Variants in CLSPN observed in about 807,000 individuals in gnomAD.
The protein encoded by CLSPN is claspin homolog.
In CLSPN, 85 loss-of-function variants were observed where a neutral mutation model predicts 156.3. The ratio of observed to expected loss-of-function variants is 0.54; its 90% CI spans 0.46 to 0.65. CLSPN has a LOEUF of 0.65. Among genes scored for constraint, CLSPN ranks in the 30% least tolerant of loss-of-function variants. CLSPN has a pLI of 0.00. For synonymous variants in CLSPN, 534 were observed against 542.4 expected (o/e 0.98, Z 0.22); for missense variants, 1,407 against 1,554.9 (o/e 0.90, Z 1.60).
intron 3 of CLSPN, among the ~76,000 whole-genome samples, chr1:35,764,060 A>G (rs1157195031): frequency 6.6e-6 from 1 of 152,084 alleles, no homozygotes; most frequent in African/African-American, 2.4e-5. Context: ...TCAGCCTCCC[A>G]AAGTGCTGGG....
Position 35,760,471 on chromosome 1 carries a change from C to T in CLSPN, c.1450G>A (p.Gly484Arg), listed in dbSNP as rs149349150. 1.9e-6 allele frequency: 3 copies of T among 1,614,062 alleles called. No individual in the cohort carries two copies. The highest frequency in any genetic ancestry group is 2.5e-6 in the Non-Finnish European group (3 of 1,180,038). Residue 484 changes from glycine to arginine, a missense_variant, in exon 8 of 25, where the codon GGG becomes AGG. Physicochemically the swap from Gly to Arg is moderately radical, Grantham distance 125. Coordinates refer to ENST00000318121, the MANE Select transcript of CLSPN (RefSeq NM_022111.4). ...AACCGTCTCACTTTTTCAGGTGGCC[C>T]AACTGCTGATGATTTATTTTGCTGC... The part of the protein sequence containing the change: ...PEQQNKSSAV[G>R]PPEKVRRFTL...
At chr1:35,724,060 A>G (rs148894574) in intron 24 of CLSPN, among the ~76,000 whole-genome samples, 28 of 152,290 alleles carry the variant, frequency 1.8e-4, no homozygotes, top group African/African-American at 5.5e-4. Context: ...CCAGGAGGCA[A>G]AAGTAGTAAG....
downstream of CLSPN, among the ~76,000 whole-genome samples, chr1:35,730,370 C>T (rs1571185058): frequency 6.6e-6 from 1 of 151,826 alleles, no homozygotes; most frequent in South Asian, 2.1e-4. Flanking sequence ...ATGGTGAAAC[C>T]CCGTCTCTAC....
downstream of CLSPN, among the ~76,000 whole-genome samples, chr1:35,729,120 C>T (rs894338892): frequency 6.6e-6 from 1 of 152,158 alleles, no homozygotes; most frequent in African/African-American, 2.4e-5. Context: ...GACAAACAAA[C>T]AGAAGGGTGG....
At chr1:35,748,845 T>C in intron 12 of CLSPN, 1 of 414,250 alleles carries the variant, frequency 2.4e-6, no homozygotes, top group South Asian at 2.0e-5. Flanking sequence ...TTTTTTTTTT[T>C]GAGACAGTCT....
downstream of CLSPN, among the ~76,000 whole-genome samples, chr1:35,730,372 C>T (rs916905421): frequency 3.3e-5 from 5 of 151,612 alleles, no homozygotes; most frequent in East Asian, 3.9e-4. Flanking sequence ...GGTGAAACCC[C>T]GTCTCTACTA....
In CLSPN at chr1:35,732,616, C is replaced by T; in HGVS notation, c.*3880G>A. ...TCAAGTGTATGGAACAAGGAAGAAACAAAAACACTGACACTGAGCCTACCC... is the reference window on the plus strand; with the variant it reads ...TCAAGTGTATGGAACAAGGAAGAAATAAAAACACTGACACTGAGCCTACCC... On this transcript the variant is annotated 3_prime_UTR_variant, in exon 25 of 25. Transcript: ENST00000318121. 1 of 985,396 alleles carries T rather than the reference C, an allele frequency of 1.0e-6. No individual in the cohort carries two copies. Among genetic ancestry groups the T allele is most frequent in the South Asian group, 4.7e-5 (1 of 21,286 alleles). 61.0% of individuals were successfully genotyped at this position (985,396 alleles called of 1,614,324 possible).
chr1:35,749,645 G>T lies in CLSPN; in HGVS notation c.2195C>A (p.Ser732Tyr). ...GAGAATCACTTACCCCATCTTGGAA[G>T]AGCTGTCCTTAAACAGAAGTAAAGT... ...DSTLLLFKDS[S>Y]SKMGYFPTEE... The change falls in exon 11 of 25, where the codon TCT becomes TAT. Residue 732 changes from serine to tyrosine, a missense_variant. Ser to Tyr is a moderately radical substitution (Grantham distance 144). This residue lies in a region of CLSPN where 1,096 missense variants were observed against 1,193.0 expected (regional missense o/e 0.92). Coordinates refer to ENST00000318121, the MANE Select transcript of CLSPN (RefSeq NM_022111.4). The T allele has an allele frequency of 6.2e-7, 1 of 1,614,066 alleles. No individual in the cohort carries two copies. The highest frequency in any genetic ancestry group is 8.5e-7 in the Non-Finnish European group (1 of 1,179,982).
At position 35,722,925 on chromosome 1, in the gene CLSPN, C is replaced by T. The variant is rs184545017; in HGVS notation, c.3910-1945G>A. ...GGATTACAGGCGTGAACCACCACAC[C>T]CAGCCTGTAGCCAGTTTTGTTAATC... On this transcript the variant is annotated intron_variant, in intron 24 of 24. Transcript: ENST00000251195. Among the ~76,000 whole-genome samples, 257 of 152,304 alleles carry T rather than the reference C, an allele frequency of 1.7e-3. 4 individuals carry two copies. The highest frequency in any genetic ancestry group is 1.4e-3 in the Non-Finnish European group (97 of 68,028).
intron 1 of CLSPN, among the ~76,000 whole-genome samples, 192 bp downstream of exon 1, chr1:35,769,655 C>G (rs1642798501): frequency 6.6e-6 from 1 of 152,188 alleles, no homozygotes; most frequent in Non-Finnish European, 1.5e-5. Context: ...GGAAGCCCGG[C>G]GGCGGGACGG....
intron 1 of CLSPN, among the ~76,000 whole-genome samples, chr1:35,765,838 C>T (rs1034469217): frequency 1.4e-4 from 21 of 152,048 alleles, no homozygotes; most frequent in African/African-American, 5.1e-4. Flanking sequence ...CCTGACAGAA[C>T]AATCAAATTT....
At chr1:35,720,922 A>T (rs768945325) in exon 25 of CLSPN, 14 of 1,612,196 alleles carry the variant, frequency 8.7e-6, no homozygotes, top group Non-Finnish European at 1.2e-5. Flanking sequence ...AAGCCTGAAG[A>T]ATCCAGGGAT....
rs1003458777 is a variant in CLSPN, at chr1:35,732,971, C to CT, written c.*3524dup. On this transcript the variant is annotated 3_prime_UTR_variant, in exon 25 of 25. Transcript: ENST00000318121. Reference sequence around the variant, plus strand: ...CAATCAGAAACCATTTTCTTTCTTTCTTTTTTTTTTTGAGAGGGAGTCTCA... The same window carrying CT: ...CAATCAGAAACCATTTTCTTTCTTTCTTTTTTTTTTTTGAGAGGGAGTCTCA... 17,955 of 691,820 alleles carry CT rather than the reference C, an allele frequency of 0.026. No individual in the cohort carries two copies. The highest frequency in any genetic ancestry group is 0.029 in the Non-Finnish European group (16,333 of 563,752). The allele number at this position is 691,820 out of a possible 1,614,324, so 42.9% of individuals were successfully genotyped here.
At chr1:35,765,349 A>T in intron 1 of CLSPN, 23 bp from the exon 2 acceptor site, 1 of 1,533,418 alleles carries the variant, frequency 6.5e-7, no homozygotes, top group Non-Finnish European at 9.0e-7. Context: ...AATATACTTT[A>T]TATCAACCAG....
At chr1:35,761,346 CA>C (rs1642470696) in intron 6 of CLSPN, 142 bp from the exon 7 acceptor site, 2 of 515,130 alleles carry the variant, frequency 3.9e-6, no homozygotes, top group South Asian at 3.7e-5. Context: ...GAGCTAAGTA[CA>C]AAAAAGCTCC....
chr1:35,749,498 A>C lies in CLSPN; in HGVS notation c.2241T>G (p.Asp747Glu). Residue 747 changes from aspartate (D) to glutamate (E), a missense_variant, in exon 12 of 25, where the codon GAT (aspartate) becomes GAG (glutamate). Physicochemically the swap from Asp to Glu is conservative, Grantham distance 45. Coordinates refer to ENST00000318121, the MANE Select transcript of CLSPN (RefSeq NM_022111.4). Reference protein sequence around the residue: ...YFPTEEKSETDENSGKQPSKL... With the variant: ...YFPTEEKSETEENSGKQPSKL... ...TGCTAGGCTGCTTGCCTGAGTTTTCATCTGTTTCTGATTTTTCTTCAGTAG... is the reference window on the plus strand; with the variant it reads ...TGCTAGGCTGCTTGCCTGAGTTTTCCTCTGTTTCTGATTTTTCTTCAGTAG... 6.2e-7 allele frequency: 1 copy of C among 1,614,156 alleles called. No individual in the cohort carries two copies. Among genetic ancestry groups the C allele is most frequent in the Non-Finnish European group, 8.5e-7 (1 of 1,180,018 alleles).
At chr1:35,743,305 T>G (rs1641760287) in intron 17 of CLSPN, 64 bp from the exon 18 acceptor site, 23 of 1,434,828 alleles carry the variant, frequency 1.6e-5, no homozygotes, top group Admixed American at 3.6e-5. Context: ...AAAAAAGGAT[T>G]TATAAACATC....
chr1:35,765,471 A>G (rs1024382871), intron 1 of CLSPN, 145 bp from the exon 2 acceptor site: 77 of 567,214 alleles, frequency 1.4e-4, no homozygotes, highest in Non-Finnish European at 1.5e-4. Context: ...TGACATTTAG[A>G]ATTACTGGAC....
At chr1:35,759,588 T>A (rs1381433440) in intron 8 of CLSPN, among the ~76,000 whole-genome samples, 1 of 152,194 alleles carries the variant, frequency 6.6e-6, no homozygotes, top group Non-Finnish European at 1.5e-5. Flanking sequence ...TCATAGTAGA[T>A]ACTTTAATAT....
Sources: gnomAD v4.1 joint callset for allele counts (sites outside exome capture counted in the v4.1 genomes callset) on GRCh38, gnomAD v4.1.1 for gene constraint, gnomAD v4.1.1 regional missense constraint, MANE v1.5 for transcripts, NCBI Gene and HGNC (gene_info 2026-07-23, HGNC 2026-07-21) for gene names.